Variants in ABHD2 observed in about 807,000 individuals in gnomAD.
ABHD2 encodes abhydrolase domain containing 2, acylglycerol lipase, also known as monoacylglycerol lipase ABHD2.
ABHD2 carries 20 observed loss-of-function variants against 48.1 expected under a neutral mutation model. The ratio of observed to expected loss-of-function variants is 0.42; its 90% CI spans 0.29 to 0.60. ABHD2 has a LOEUF of 0.60. ABHD2 is among the 20% of genes least tolerant of loss of function. ABHD2 has a pLI of 0.24. For missense variants in ABHD2, 405 were observed against 550.9 expected, an observed-to-expected ratio of 0.74 and a Z score of 2.65; for synonymous variants, 209 against 214.2, an observed-to-expected ratio of 0.98 and a Z score of 0.21.
At chr15:89,130,584 C>T (rs1025918420) in intron 3 of ABHD2, among the ~76,000 whole-genome samples, 1 of 152,146 alleles carries the variant, frequency 6.6e-6, no homozygotes, top group Non-Finnish European at 1.5e-5. Flanking sequence ...CTTTAGGCTG[C>T]TAAAAGCCTA....
Position 89,104,555 on chromosome 15 carries a change from G to A in ABHD2, c.-106-9170G>A, listed in dbSNP as rs571135765. On this transcript the variant is annotated intron_variant, in intron 1 of 10. Transcript: ENST00000352732. The surrounding 1 kb of genome is among the most constrained non-coding windows in gnomAD (Gnocchi z 4.4). ...GGAGCCTTGTCTGCTCCCAGTCGGC[G>A]TTGGGAAACCAGAACGCTCAGGAAC... Among the ~76,000 whole-genome samples, 12 of 152,316 alleles carry A rather than the reference G, an allele frequency of 7.9e-5. No homozygotes were observed. The East Asian group carries it at 9.6e-4, about 12-fold the overall frequency.
In ABHD2 at chr15:89,092,380, T is replaced by C. The variant is rs553807640; in HGVS notation, c.-107+3817T>C. ...TAAGTTCAACAAATTAAGCATCTGG[T>C]GTGTGCCAGGAACACAGTTGACAAG... On this transcript the variant is annotated intron_variant, in intron 1 of 10. Coordinates refer to ENST00000352732, the MANE Select transcript of ABHD2 (RefSeq NM_152924.5). The surrounding 1 kb of genome is among the most constrained non-coding windows in gnomAD (Gnocchi z 4.4). Among the ~76,000 whole-genome samples the C allele has an allele frequency of 6.6e-6, 1 of 152,372 alleles. No homozygotes were observed. Among genetic ancestry groups the C allele is most frequent in the East Asian group, 1.9e-4 (1 of 5,194 alleles).
chr15:89,059,884 C>T, the ABHD2 span, among the ~76,000 whole-genome samples: 1 of 152,090 alleles, frequency 6.6e-6, no homozygotes, highest in South Asian at 2.1e-4. Flanking sequence ...CTGTCCCCTG[C>T]CCAGGCCAGC....
In ABHD2 at chr15:89,088,833, AC is replaced by A. The variant is rs1901471217; in HGVS notation, c.-107+272del. ...GGAACCGAGGTTGGGGACAACCCCG[AC>A]CGCGGCCTTTCCCCCATTGGTGCTC... On this transcript the variant is annotated intron_variant, in intron 1 of 10. Transcript: ENST00000352732. This position sits in a 1 kb window ranked among gnomAD's most constrained non-coding sequence, Gnocchi z 6.8. Among the ~76,000 whole-genome samples the A allele has an allele frequency of 6.6e-6, 1 of 152,072 alleles. No homozygotes were observed. Among genetic ancestry groups the A allele is most frequent in the South Asian group, 2.1e-4 (1 of 4,828 alleles).
rs1207098104 is a variant in ABHD2, at chr15:89,177,179, A to G, written c.722+1184A>G. Among the ~76,000 whole-genome samples the G allele has an allele frequency of 6.6e-6, 1 of 152,200 alleles. No individual in the cohort carries two copies. Among genetic ancestry groups the G allele is most frequent in the East Asian group, 1.9e-4 (1 of 5,200 alleles). ...TGGGTTCTATTTTTCCGTGCCGGCA[A>G]TATGGGGATGATGATGATAAGCAGT... On this transcript the variant is annotated intron_variant, in intron 6 of 10. Transcript: ENST00000352732. The surrounding 1 kb of genome is among the most constrained non-coding windows in gnomAD (Gnocchi z 5.6).
Position 89,151,899 on chromosome 15 carries a change from G to A in ABHD2, c.370+47G>A, listed in dbSNP as rs368482756. 9.0e-5 allele frequency: 144 copies of A among 1,596,250 alleles called. No individual in the cohort carries two copies. The highest frequency in any genetic ancestry group is 1.1e-4 in the Non-Finnish European group (133 of 1,170,278). On this transcript the variant is annotated intron_variant, in intron 4 of 10. Transcript: ENST00000352732. The surrounding 1 kb of genome is among the most constrained non-coding windows in gnomAD (Gnocchi z 4.7). ...GATTGAGCCATCACTCAGAGAAGGA[G>A]CACTAGTCAGTGGAGAGCACAGCAG...
In ABHD2 at chr15:89,097,496, G is replaced by T. The variant is rs369741226; in HGVS notation, c.-107+8933G>T. Among the ~76,000 whole-genome samples the T allele has an allele frequency of 2.6e-5, 4 of 152,162 alleles. No homozygotes were observed. Among genetic ancestry groups the T allele is most frequent in the Non-Finnish European group, 4.4e-5 (3 of 68,020 alleles). On this transcript the variant is annotated intron_variant, in intron 1 of 10. Coordinates refer to ENST00000352732, the MANE Select transcript of ABHD2 (RefSeq NM_152924.5). This position sits in a 1 kb window ranked among gnomAD's most constrained non-coding sequence, Gnocchi z 4.2. Reference sequence around the variant, plus strand: ...TTTTGTGAGTTAGGATTCAAGTAAGGATTAGACATTATGATTGATTGCTCT... The same window carrying T: ...TTTTGTGAGTTAGGATTCAAGTAAGTATTAGACATTATGATTGATTGCTCT...
At chr15:89,043,729 AG>A in the ABHD2 span, among the ~76,000 whole-genome samples, 1 of 128,080 alleles carries the variant, frequency 7.8e-6, no homozygotes, top group Non-Finnish European at 1.7e-5. Flanking sequence ...GAGAAGGAGG[AG>A]GGGGAGAAGG....
intron 1 of ABHD2, among the ~76,000 whole-genome samples, chr15:89,105,618 C>T (rs944749153): frequency 6.6e-6 from 1 of 152,218 alleles, no homozygotes; most frequent in Non-Finnish European, 1.5e-5. Flanking sequence ...TTGTGTGTGA[C>T]TTGATGATCC....
At position 89,185,412 on chromosome 15, in the gene ABHD2, T is replaced by C. The variant is rs779053963; in HGVS notation, c.723-12T>C. ...ACACCGCAGTCACCCTCACTCGCTG[T>C]GGTTCTTCCAGGGCCCAGGAAACCT... On this transcript the variant is annotated splice_polypyrimidine_tract_variant and intron_variant, in intron 6 of 10. Transcript: ENST00000352732. The surrounding 1 kb of genome is among the most constrained non-coding windows in gnomAD (Gnocchi z 5.9). 2 of 1,613,444 alleles carry C rather than the reference T, an allele frequency of 1.2e-6. No individual in the cohort carries two copies. The highest frequency in any genetic ancestry group is 2.2e-5 in the South Asian group (2 of 91,052).
At chr15:89,181,413 A>G (rs2051112832) in intron 6 of ABHD2, among the ~76,000 whole-genome samples, 1 of 152,072 alleles carries the variant, frequency 6.6e-6, no homozygotes, top group East Asian at 1.9e-4. Flanking sequence ...CTTTATTCTT[A>G]AGGTTTCATT....
intron 1 of ABHD2, among the ~76,000 whole-genome samples, chr15:89,111,783 A>G (rs1398623669): frequency 6.6e-6 from 1 of 152,216 alleles, no homozygotes; most frequent in Non-Finnish European, 1.5e-5. Flanking sequence ...TAGATTCAGT[A>G]AGGGTGTTTT....
At chr15:89,080,925 G>C in the ABHD2 span, among the ~76,000 whole-genome samples, 2 of 151,832 alleles carry the variant, frequency 1.3e-5, no homozygotes, top group Non-Finnish European at 2.9e-5. Context: ...CTTGTGATTG[G>C]CTAATTTCAC....
chr15:89,050,189 G>T, the ABHD2 span, among the ~76,000 whole-genome samples: 148 of 152,276 alleles, frequency 9.7e-4, no homozygotes, highest in African/African-American at 3.3e-3. Context: ...GAGCAGACCT[G>T]GCCTGTCTCC....
Position 89,120,132 on chromosome 15 carries a change from A to G in ABHD2, c.194+3611A>G, listed in dbSNP as rs73467762. Among the ~76,000 whole-genome samples, 6,670 of 152,276 alleles carry G rather than the reference A, an allele frequency of 0.044. 257 individuals are homozygous for G. Among genetic ancestry groups the G allele is most frequent in the African/African-American group, 0.1 (4,295 of 41,524 alleles). On this transcript the variant is annotated intron_variant, in intron 3 of 10. Transcript: ENST00000352732. The surrounding 1 kb of genome is among the most constrained non-coding windows in gnomAD (Gnocchi z 4.2). ...AAAGCATGCTCGAGGAGCAGGGATTACTGTTTTCCCCCTCAGCATTAAAGT... is the reference window on the plus strand; with the variant it reads ...AAAGCATGCTCGAGGAGCAGGGATTGCTGTTTTCCCCCTCAGCATTAAAGT...
the ABHD2 span, among the ~76,000 whole-genome samples, chr15:89,075,878 G>A: frequency 1.3e-5 from 2 of 152,170 alleles, no homozygotes; most frequent in African/African-American, 4.8e-5. This position sits in a 1 kb window ranked among gnomAD's most constrained non-coding sequence, Gnocchi z 4.1. Flanking sequence ...CAAGCAGGGG[G>A]CCTGGCCACC....
intron 1 of ABHD2, chr15:89,090,299 T>C (rs1901543517): frequency 6.6e-6 from 1 of 152,186 alleles, no homozygotes; most frequent in Non-Finnish European, 1.5e-5. Context: ...TAATGATACT[T>C]ATGTTAGAAG....
rs1469768583 is a variant in ABHD2, at chr15:89,155,620, T to C, written c.538+86T>C. 6.6e-7 allele frequency: 1 copy of C among 1,505,040 alleles called. No homozygotes were observed. Among genetic ancestry groups the C allele is most frequent in the Non-Finnish European group, 9.0e-7 (1 of 1,114,166 alleles). The allele number at this position is 1,505,040 out of a possible 1,614,324, so 93.2% of individuals were successfully genotyped here. The stretch of plus-strand genomic sequence containing the variant: ...GCCTTGTTTTTTCTTTTTTTAAGTT[T>C]TAAACCTATGCCCATCTGCAAGAGA... On this transcript the variant is annotated intron_variant, in intron 5 of 10. Transcript: ENST00000352732. The surrounding 1 kb of genome is among the most constrained non-coding windows in gnomAD (Gnocchi z 4.9).
intron 1 of ABHD2, among the ~76,000 whole-genome samples, chr15:89,107,609 T>C (rs1475879484): frequency 6.6e-6 from 1 of 152,202 alleles, no homozygotes; most frequent in African/African-American, 2.4e-5. Context: ...TCTTTATGTA[T>C]TAACATGTTC....
Sources: allele counts gnomAD v4.1 joint callset (sites outside exome capture counted in the v4.1 genomes callset), GRCh38; gene constraint gnomAD v4.1.1; non-coding constraint Gnocchi (gnomAD v3.1); transcripts MANE v1.5; gene names NCBI Gene and HGNC (gene_info 2026-07-23, HGNC 2026-07-21).